Variants in HDAC9 observed in about 807,000 individuals in gnomAD.
HDAC9 encodes MEF-2 interacting transcription repressor (MITR) protein.
HDAC9 carries 41 observed loss-of-function variants against 139.4 expected under a neutral mutation model. The observed-to-expected ratio is 0.29, with a 90% confidence interval of 0.23 to 0.38. The LOEUF is 0.38. HDAC9 is among the 10% of genes least tolerant of loss of function. The pLI, the probability that HDAC9 is intolerant of heterozygous loss-of-function variation, is 1.00. For synonymous variants in HDAC9, 517 were observed against 476.2 expected (o/e 1.09, Z -1.12); for missense variants, 1,147 against 1,297.0 (o/e 0.88, Z 1.78).
chr7:18,939,287 T>C (rs188383609), intron 23 of HDAC9, among the ~76,000 whole-genome samples: 2 of 152,284 alleles, frequency 1.3e-5, no homozygotes, highest in Non-Finnish European at 2.9e-5. Flanking sequence ...AGCAGATACT[T>C]TAAGGGTAAC....
At chr7:18,943,168 C>T (rs1217030565) in intron 23 of HDAC9, among the ~76,000 whole-genome samples, 1 of 152,004 alleles carries the variant, frequency 6.6e-6, no homozygotes, top group Non-Finnish European at 1.5e-5. Context: ...ATCCAGACTA[C>T]AGACATTATG....
At chr7:18,181,432 T>G (rs1387756413) in intron 2 of HDAC9, among the ~76,000 whole-genome samples, 1 of 152,204 alleles carries the variant, frequency 6.6e-6, no homozygotes, top group African/African-American at 2.4e-5. Flanking sequence ...GGATTAATTC[T>G]TTGTATGTCT....
intron 2 of HDAC9, among the ~76,000 whole-genome samples, chr7:18,238,484 G>A (rs887803511): frequency 2.6e-5 from 4 of 152,130 alleles, no homozygotes; most frequent in Admixed American, 1.3e-4. Context: ...TTTCCCCAGC[G>A]CAGTGTAGAT....
At chr7:18,750,258 A>G (rs986937725) in intron 14 of HDAC9, among the ~76,000 whole-genome samples, 2 of 152,132 alleles carry the variant, frequency 1.3e-5, no homozygotes, top group South Asian at 2.1e-4. Context: ...GGATAAAAAA[A>G]TTTTCTTTAT....
chr7:18,847,053 C>T (rs915197241), intron 21 of HDAC9, among the ~76,000 whole-genome samples: 4 of 152,184 alleles, frequency 2.6e-5, no homozygotes, highest in African/African-American at 9.7e-5. Context: ...CACCACTAGC[C>T]TGCTGGGCTG....
At chr7:18,943,196 C>T (rs1410371626) in intron 23 of HDAC9, among the ~76,000 whole-genome samples, 1 of 151,992 alleles carries the variant, frequency 6.6e-6, no homozygotes, top group African/African-American at 2.4e-5. Flanking sequence ...ACTACACATA[C>T]AGCCCTGAAC....
At chr7:18,128,296 T>C (rs1294202580) in intron 1 of HDAC9, among the ~76,000 whole-genome samples, 1 of 152,128 alleles carries the variant, frequency 6.6e-6, no homozygotes, top group Non-Finnish European at 1.5e-5. Context: ...TTCAGACCAC[T>C]AAGCAGGAAG....
chr7:18,657,921 T>A (rs1791768821), intron 11 of HDAC9, among the ~76,000 whole-genome samples: 1 of 151,986 alleles, frequency 6.6e-6, no homozygotes, highest in Non-Finnish European at 1.5e-5. Context: ...CTCCCTTCCC[T>A]CTCTCTCTAG....
intron 1 of HDAC9, among the ~76,000 whole-genome samples, chr7:18,343,247 C>T (rs1042559972): frequency 6.6e-6 from 1 of 151,668 alleles, no homozygotes; most frequent in Admixed American, 6.6e-5. Flanking sequence ...AAACTACCCA[C>T]TGGAACACAT....
rs531206223 is a variant in HDAC9, at chr7:18,704,464, T to G, written c.1732-23116T>G. On this transcript the variant is annotated intron_variant, in intron 12 of 25. Transcript: ENST00000686413. ...TATTTTAAGAAGCCATTCTAGGTAC[T>G]TAACTGAATTTGTGTGTTTGGAATC... Among the ~76,000 whole-genome samples the G allele has an allele frequency of 3.3e-5, 5 of 152,336 alleles. No homozygotes were observed. The South Asian group carries it at 1.0e-3, about 32-fold the overall frequency.
chr7:18,454,507 A>C (rs1793167083), intron 1 of HDAC9, among the ~76,000 whole-genome samples: 1 of 152,048 alleles, frequency 6.6e-6, no homozygotes. Context: ...AGTCAAACCC[A>C]AGTACTTGGG....
intron 8 of HDAC9, among the ~76,000 whole-genome samples, chr7:18,638,878 A>G (rs745544138): frequency 1.3e-5 from 2 of 151,992 alleles, no homozygotes; most frequent in Non-Finnish European, 2.9e-5. Context: ...AGGGGTTTCT[A>G]TTTCCAACTC....
intron 12 of HDAC9, among the ~76,000 whole-genome samples, chr7:18,713,130 A>G (rs1011084463): frequency 6.6e-6 from 1 of 152,196 alleles, no homozygotes; most frequent in Non-Finnish European, 1.5e-5. Context: ...AGAAAAGTCT[A>G]TTTTGTGGGC....
At chr7:18,157,330 A>T (rs1787286819) in intron 1 of HDAC9, among the ~76,000 whole-genome samples, 1 of 152,104 alleles carries the variant, frequency 6.6e-6, no homozygotes, top group African/African-American at 2.4e-5. Context: ...ATTGCCTGAA[A>T]CCATAGGGGT....
chr7:18,263,613 C>CT (rs33938966), intron 2 of HDAC9, among the ~76,000 whole-genome samples: 66,054 of 146,268 alleles, frequency 0.45, 15,116 homozygotes, highest in Admixed American at 0.54. Context: ...TTATAATTGA[C>CT]TTTTTTTTTT....
chr7:18,681,392 T>C (rs746859630), intron 12 of HDAC9, among the ~76,000 whole-genome samples: 5 of 152,036 alleles, frequency 3.3e-5, no homozygotes, highest in Non-Finnish European at 5.9e-5. Context: ...TTTTTTCTTT[T>C]ATAGTCAATA....
At chr7:18,464,076 A>C (rs1043675491) in intron 1 of HDAC9, among the ~76,000 whole-genome samples, 1 of 151,862 alleles carries the variant, frequency 6.6e-6, no homozygotes, top group African/African-American at 2.4e-5. Flanking sequence ...CTGTTTGTCT[A>C]TTTGACTTTT....
chr7:18,789,286 G>GCGCGCGCACACACACACACACACACA (rs146066951), intron 16 of HDAC9, among the ~76,000 whole-genome samples: 5 of 148,396 alleles, frequency 3.4e-5, no homozygotes, highest in African/African-American at 1.3e-4. Context: ...ACACATACAC[G>GCGCGCGCACACACACACACACACACA]CACACACACA....
intron 2 of HDAC9, among the ~76,000 whole-genome samples, chr7:18,570,061 A>G (rs1208296789): frequency 1.3e-5 from 2 of 152,210 alleles, no homozygotes; most frequent in Non-Finnish European, 2.9e-5. Context: ...TCTGTCTGAT[A>G]TAACCCAATG....
Sources: gnomAD v4.1 joint callset for allele counts (sites outside exome capture counted in the v4.1 genomes callset) on GRCh38, gnomAD v4.1.1 for gene constraint, MANE v1.5 for transcripts, NCBI Gene and HGNC (gene_info 2026-07-23, HGNC 2026-07-21) for gene names.